MBD5: variants seen among roughly 807,000 people sequenced by gnomAD.
MBD5 encodes the protein methyl-CpG binding domain protein 5, also known as methyl-CpG-binding domain protein 5.
In MBD5, 13 loss-of-function variants were observed where a neutral mutation model predicts 117.3. That is an observed-to-expected ratio of 0.11 (90% CI 0.07 to 0.18). MBD5 has a LOEUF of 0.18. Among genes scored for constraint, MBD5 ranks in the 10% least tolerant of loss-of-function variants. MBD5 has a pLI of 1.00. For missense variants in MBD5, 1,879 were observed against 2,093.8 expected (o/e 0.90, Z 2.00); for synonymous variants, 727 against 766.4 (o/e 0.95, Z 0.85).
chr2:148,159,846 A>G (rs1045321895), intron 1 of MBD5, among the ~76,000 whole-genome samples: 4 of 152,232 alleles, frequency 2.6e-5, no homozygotes, highest in Non-Finnish European at 5.9e-5. Flanking sequence ...AAGCTGAAGT[A>G]CAAAGTCAGA....
chr2:148,052,888 G>A (rs2105772081), intron 1 of MBD5, among the ~76,000 whole-genome samples: 1 of 151,030 alleles, frequency 6.6e-6, no homozygotes, highest in East Asian at 2.0e-4. Flanking sequence ...CTTGAGTCCA[G>A]GAGGCAGAAG....
At chr2:148,076,710 C>T (rs1277127343) in intron 1 of MBD5, among the ~76,000 whole-genome samples, 1 of 152,150 alleles carries the variant, frequency 6.6e-6, no homozygotes, top group African/African-American at 2.4e-5. Context: ...CTATTACTAG[C>T]TTCTGATAAA....
intron 4 of MBD5, among the ~76,000 whole-genome samples, chr2:148,376,859 C>A (rs1704006770): frequency 7.5e-6 from 1 of 134,200 alleles, no homozygotes; most frequent in African/African-American, 2.8e-5. Flanking sequence ...ATATTATAAT[C>A]ATATATATAA....
intron 3 of MBD5, among the ~76,000 whole-genome samples, chr2:148,249,653 T>C (rs950323162): frequency 5.3e-5 from 8 of 152,214 alleles, no homozygotes; most frequent in African/African-American, 1.9e-4. Context: ...ACATGACTTA[T>C]ATAAATATAT....
intron 3 of MBD5, among the ~76,000 whole-genome samples, chr2:148,253,283 T>G (rs1422383272): frequency 6.6e-6 from 1 of 152,248 alleles, no homozygotes; most frequent in Non-Finnish European, 1.5e-5. Context: ...CCTTTATATG[T>G]AGTTATTCAT....
chr2:148,154,958 A>C (rs1462549685), intron 1 of MBD5, among the ~76,000 whole-genome samples: 2 of 152,082 alleles, frequency 1.3e-5, no homozygotes, highest in Non-Finnish European at 2.9e-5. Context: ...GCTCCTCCCT[A>C]AATAAATATT....
At chr2:148,120,322 T>A (rs76972588) in intron 1 of MBD5, among the ~76,000 whole-genome samples, 2,007 of 152,326 alleles carry the variant, frequency 0.013, 30 homozygotes, top group African/African-American at 0.046. Flanking sequence ...TGTCAGTTGC[T>A]GCAAAATCGC....
intron 3 of MBD5, among the ~76,000 whole-genome samples, chr2:148,323,066 A>G (rs543793954): frequency 2.0e-5 from 3 of 151,238 alleles, no homozygotes; most frequent in South Asian, 2.1e-4. Context: ...TCATTGTACA[A>G]TTCCCACCTA....
chr2:148,390,218 T>C (rs1224185194), intron 4 of MBD5, among the ~76,000 whole-genome samples: 1 of 152,092 alleles, frequency 6.6e-6, no homozygotes, highest in African/African-American at 2.4e-5. Flanking sequence ...TTGTCTAATA[T>C]CAGTTGGATG....
In MBD5 at chr2:148,064,170, G is replaced by T. The variant is rs541743310; in HGVS notation, c.-925+42486G>T. ...AGACAGAGCCTCGCTCTGTCGCCCA[G>T]GCTGGAGTGCAGTGGCGCGATCTCA... On this transcript the variant is annotated intron_variant, in intron 1 of 13. Transcript: ENST00000642680. Among the ~76,000 whole-genome samples the T allele has an allele frequency of 4.6e-3, 637 of 139,146 alleles. 3 individuals carry two copies. The highest frequency in any genetic ancestry group is 9.3e-3 in the Middle Eastern group (2 of 214). 91.3% of individuals were successfully genotyped at this position (139,146 alleles called of 152,430 possible).
intron 3 of MBD5, chr2:148,296,629 TA>T: frequency 5.8e-6 from 1 of 172,324 alleles, no homozygotes; most frequent in Non-Finnish European, 1.3e-5. Flanking sequence ...TCTCTTTCTC[TA>T]ATGCTGAAGC....
chr2:148,445,518 T>G (rs1053487679), intron 4 of MBD5, among the ~76,000 whole-genome samples: 7 of 151,388 alleles, frequency 4.6e-5, no homozygotes, highest in African/African-American at 7.4e-5. Flanking sequence ...TGCCACATTT[T>G]CTTAATCCAG....
intron 4 of MBD5, among the ~76,000 whole-genome samples, chr2:148,371,517 C>T (rs1001153602): frequency 3.3e-5 from 5 of 152,110 alleles, no homozygotes; most frequent in African/African-American, 1.2e-4. Context: ...AGAAAAAGAA[C>T]ACTCTAGGAA....
At chr2:148,054,893 G>A (rs772798624) in intron 1 of MBD5, 1 of 152,136 alleles carries the variant, frequency 6.6e-6, no homozygotes, top group Non-Finnish European at 1.5e-5. Flanking sequence ...CAGAGTATGA[G>A]AGTTTCCATT....
At chr2:148,270,991 A>T (rs951376881) in intron 3 of MBD5, among the ~76,000 whole-genome samples, 2 of 151,778 alleles carry the variant, frequency 1.3e-5, no homozygotes, top group Admixed American at 1.3e-4. Context: ...TTTTAAGGAG[A>T]TCTCAAGAGA....
intron 4 of MBD5, among the ~76,000 whole-genome samples, chr2:148,417,436 G>T (rs2105232738): frequency 1.3e-5 from 2 of 152,096 alleles, no homozygotes; most frequent in Middle Eastern, 6.8e-3. Flanking sequence ...ACTGTGCCCA[G>T]CTGGTATAAT....
rs58961481 is a variant in MBD5, at chr2:148,294,501, GTTT to G, written c.-679-47695_-679-47693del. Reference sequence around the variant, plus strand: ...GGCCTCCCAAAGTGCTGGGATTACAGTTTTTTTTTTTTTTTTTTTTGAGATAGA... The same window carrying G: ...GGCCTCCCAAAGTGCTGGGATTACAGTTTTTTTTTTTTTTTTTGAGATAGA... On this transcript the variant is annotated intron_variant, in intron 3 of 13. Coordinates refer to ENST00000642680, the MANE Select transcript of MBD5 (RefSeq NM_001378120.1). 6.3e-4 allele frequency among the ~76,000 whole-genome samples: 71 copies of G among 113,242 alleles called. 1 individual carries two copies. The highest frequency in any genetic ancestry group is 1.6e-3 in the East Asian group (7 of 4,412). 74.3% of individuals were successfully genotyped at this position (113,242 alleles called of 152,430 possible). A position where few individuals can be genotyped will look rare whatever the true frequency, so the allele number is the denominator to read the frequency against.
intron 1 of MBD5, chr2:148,071,270 CTGTATATGTGTGTGTGTG>C (rs1323348584): frequency 1.4e-3 from 179 of 125,088 alleles, no homozygotes; most frequent in African/African-American, 5.0e-3. Flanking sequence ...TTAGATATAT[CTGTATATGTGTGTGTGTG>C]TGTGTGTGTG....
At chr2:148,497,023 AT>A (rs1410415291) in intron 11 of MBD5, among the ~76,000 whole-genome samples, 1 of 151,918 alleles carries the variant, frequency 6.6e-6, no homozygotes, top group African/African-American at 2.4e-5. Context: ...GTTAGCAGAA[AT>A]TTTTTCAGTT....
Sources: allele counts gnomAD v4.1 joint callset (sites outside exome capture counted in the v4.1 genomes callset), GRCh38; gene constraint gnomAD v4.1.1; transcripts MANE v1.5; gene names NCBI Gene and HGNC (gene_info 2026-07-23, HGNC 2026-07-21).